Variants in CERCAM observed in about 807,000 individuals in gnomAD.
The protein encoded by CERCAM is inactive glycosyltransferase 25 family member 3.
Under a neutral mutation model 66.0 loss-of-function variants are expected in CERCAM, and 59 were observed. The observed-to-expected ratio is 0.89, with a 90% CI of 0.73 to 1.11. CERCAM has a LOEUF of 1.11. CERCAM is among the 50% of genes most tolerant of loss of function. The pLI is 0.00. For synonymous variants in CERCAM, 318 were observed against 343.6 expected (o/e 0.93, Z 0.83); for missense variants, 840 against 828.3 (o/e 1.01, Z -0.17).
chr9:128,425,413 A>T (rs1330986772), intron 5 of CERCAM, among the ~76,000 whole-genome samples: 1 of 152,116 alleles, frequency 6.6e-6, no homozygotes, highest in Non-Finnish European at 1.5e-5. Context: ...TCAGACCCTA[A>T]TCTCAAAGTC....
chr9:128,424,760 T>G, intron 5 of CERCAM, 146 bp downstream of exon 5: 2 of 665,036 alleles, frequency 3.0e-6, no homozygotes, highest in African/African-American at 1.9e-5. Flanking sequence ...TTTTCTTTTC[T>G]CTCTCTTTTT....
intron 9 of CERCAM, among the ~76,000 whole-genome samples, chr9:128,433,525 C>G (rs947698933): frequency 6.6e-6 from 1 of 152,126 alleles, no homozygotes; most frequent in African/African-American, 2.4e-5. Context: ...GAGATGGCTC[C>G]TGGTCTTGGC....
In CERCAM at chr9:128,431,264, G is replaced by T. The variant is rs920899769; in HGVS notation, c.1164G>T (p.Glu388Asp). Residue 388 changes from glutamate to aspartate, a missense_variant, in exon 9 of 13, where the codon GAG becomes GAT. By Grantham distance (45) the Glu-to-Asp change is conservative. Transcript: ENST00000372838. Reference protein sequence around the residue: ...PYSGRTLTKGEVGCFLSHYSI... With the variant: ...PYSGRTLTKGDVGCFLSHYSI... ...CGGGCCGCACTCTGACCAAGGGCGA[G>T]GTGGGCTGCTTCCTCAGCCATTACT... 1.2e-6 allele frequency: 2 copies of T among 1,614,114 alleles called. No homozygotes were observed. The highest frequency in any genetic ancestry group is 1.7e-6 in the Non-Finnish European group (2 of 1,180,012).
rs1834054943 is a variant in CERCAM at position 128,434,345 on chromosome 9, G to A, written c.1332-65G>A. ...TGAGAGCCTGGCCCTGTAGGAGCGG[G>A]TGTGGGAGGGTCCCATGACACCCAG... On this transcript the variant is annotated intron_variant, in intron 10 of 12. Coordinates refer to ENST00000372838, the MANE Select transcript of CERCAM (RefSeq NM_016174.5). The surrounding 1 kb of genome is among the most constrained non-coding windows in gnomAD (Gnocchi z 4.5). The A allele has an allele frequency of 4.4e-6, 7 of 1,606,228 alleles. No homozygotes were observed. In the East Asian group the frequency reaches 1.1e-4, roughly 26 times the overall value.
chr9:128,421,741 G>A (rs1475636509), intron 1 of CERCAM: 1 of 156,562 alleles, frequency 6.4e-6, no homozygotes, highest in Non-Finnish European at 1.4e-5. Flanking sequence ...CCAGAACAGG[G>A]AGGAGTCCCT....
At chr9:128,429,232 T>C (rs1408264170) in intron 8 of CERCAM, among the ~76,000 whole-genome samples, 196 bp downstream of exon 8, 1 of 152,178 alleles carries the variant, frequency 6.6e-6, no homozygotes, top group Non-Finnish European at 1.5e-5. Flanking sequence ...CTCCTGCTGC[T>C]CACCAGAGGA....
At chr9:128,419,212 G>C (rs1368608958), upstream of CERCAM, 1 of 152,268 alleles carries the variant, frequency 6.6e-6, no homozygotes. Context: ...GATCCTGGTG[G>C]AGGCTTTGAG....
chr9:128,431,386 A>T (rs1009850), intron 9 of CERCAM, 83 bp downstream of exon 9: 10 of 1,547,368 alleles, frequency 6.5e-6, no homozygotes, highest in South Asian at 1.2e-5. Flanking sequence ...TGAACGAGTG[A>T]GTGAATGAAG....
chr9:128,434,284 C>T lies in CERCAM; in HGVS notation c.1331+55C>T, dbSNP rs1834052405. 6.2e-7 allele frequency: 1 copy of T among 1,608,142 alleles called. No homozygotes were observed. The highest frequency in any genetic ancestry group is 1.7e-4 in the Middle Eastern group (1 of 6,006). ...GGGCAGGGTGGGCCTCCGGAGTCTG[C>T]CTTTTCCTGCTTGGGACCCTGGCCG... On this transcript the variant is annotated intron_variant, in intron 10 of 12. Coordinates refer to ENST00000372838, the MANE Select transcript of CERCAM (RefSeq NM_016174.5). This position sits in a 1 kb window ranked among gnomAD's most constrained non-coding sequence, Gnocchi z 4.5.
chr9:128,427,832 A>G (rs1038503892), intron 5 of CERCAM: 1 of 150,818 alleles, frequency 6.6e-6, no homozygotes, highest in African/African-American at 2.4e-5. Context: ...GGTGAAAGAC[A>G]TCGTGGAGAG....
intron 1 of CERCAM, chr9:128,422,167 GT>G (rs1273545953): frequency 1.3e-5 from 2 of 152,318 alleles, no homozygotes; most frequent in Non-Finnish European, 2.9e-5. Flanking sequence ...CTGGCCTGTG[GT>G]CACACAGCCA....
At position 128,423,310 on chromosome 9, in the gene CERCAM, C is replaced by A. The variant is rs769187921; in HGVS notation, c.426+47C>A. The A allele has an allele frequency of 2.7e-6, 4 of 1,488,738 alleles. No homozygotes were observed. The Admixed American group carries it at 6.9e-5, about 26-fold the overall frequency. 92.2% of individuals were successfully genotyped at this position (1,488,738 alleles called of 1,614,324 possible). ...CGGGCTTCTGAAAGGCGGTAGTATC[C>A]GTCCCTGATAGAAATCTGGGTATAG... On this transcript the variant is annotated intron_variant, in intron 3 of 12. Transcript: ENST00000372838.
At chr9:128,433,156 G>C (rs1437239883) in intron 9 of CERCAM, among the ~76,000 whole-genome samples, 2 of 151,914 alleles carry the variant, frequency 1.3e-5, no homozygotes, top group African/African-American at 4.8e-5. Context: ...GGCGGCGCCT[G>C]TAGTCCCAGC....
intron 1 of CERCAM, 118 bp from the exon 2 acceptor site, chr9:128,422,750 C>CCCTT: frequency 8.6e-7 from 1 of 1,156,716 alleles, no homozygotes; most frequent in Non-Finnish European, 1.2e-6. Flanking sequence ...AGCACACCTA[C>CCCTT]CCTTCACTGT....
intron 5 of CERCAM, among the ~76,000 whole-genome samples, chr9:128,426,104 G>A (rs966776232): frequency 2.0e-5 from 3 of 152,118 alleles, no homozygotes; most frequent in African/African-American, 4.8e-5. Context: ...GCCCCCGGCT[G>A]CGAGATCCCA....
At chr9:128,422,383 C>T (rs143426419) in intron 1 of CERCAM, 4,012 of 154,362 alleles carry the variant, frequency 0.026, 174 homozygotes, top group African/African-American at 0.089. Context: ...GCCTGGCTAA[C>T]ATGGTGAAAC....
Position 128,431,300 on chromosome 9 carries a change from A to G in CERCAM, c.1200A>G (p.Glu400=), listed in dbSNP as rs369047069. Reference sequence around the variant, plus strand: ...TCCTCAGCCATTACTCCATCTGGGAAGAGGTGAGGGTGCCTGCTTCCTCCA... The same window carrying G: ...TCCTCAGCCATTACTCCATCTGGGAGGAGGTGAGGGTGCCTGCTTCCTCCA... ...GCFLSHYSIW[E]EVVARGLARV... The change falls in exon 9 of 13, where the codon GAA becomes GAG. Residue 400 remains glutamate, a synonymous_variant. Coordinates refer to ENST00000372838, the MANE Select transcript of CERCAM (RefSeq NM_016174.5). 5.9e-5 allele frequency: 96 copies of G among 1,613,890 alleles called. No homozygotes were observed. The highest frequency in any genetic ancestry group is 1.2e-4 in the Admixed American group (7 of 59,988).
At chr9:128,427,255 G>C (rs1172683685) in intron 5 of CERCAM, among the ~76,000 whole-genome samples, 1 of 151,976 alleles carries the variant, frequency 6.6e-6, no homozygotes, top group East Asian at 1.9e-4. Context: ...TGGGATTACG[G>C]GCGGCCACCA....
At chr9:128,429,732 G>A (rs907330875) in intron 8 of CERCAM, among the ~76,000 whole-genome samples, 1 of 151,946 alleles carries the variant, frequency 6.6e-6, no homozygotes, top group Non-Finnish European at 1.5e-5. Context: ...TCCCACCTCA[G>A]CCTTCTGAGT....
Sources: allele counts gnomAD v4.1 joint callset (sites outside exome capture counted in the v4.1 genomes callset), GRCh38; gene constraint gnomAD v4.1.1; non-coding constraint Gnocchi (gnomAD v3.1); transcripts MANE v1.5; gene names NCBI Gene and HGNC (gene_info 2026-07-23, HGNC 2026-07-21).